Variants in CDH12 observed in about 807,000 individuals in gnomAD.
CDH12 encodes the protein cadherin 12, also known as cadherin-12.
A neutral mutation model predicts 74.1 loss-of-function variants in CDH12; 41 were observed. That is an observed-to-expected ratio of 0.55 (90% CI 0.43 to 0.72). CDH12 has a LOEUF of 0.72. CDH12 is among the 30% of genes least tolerant of loss of function. The pLI, the probability that CDH12 is intolerant of heterozygous loss-of-function variation, is 0.00. For missense variants in CDH12, 945 were observed against 977.2 expected (o/e 0.97, Z 0.44); for synonymous variants, 399 against 355.0 (o/e 1.12, Z -1.39).
chr5:22,306,114 T>C (rs1016520309), intron 3 of CDH12, among the ~76,000 whole-genome samples: 2 of 152,230 alleles, frequency 1.3e-5, no homozygotes, highest in East Asian at 1.9e-4. Context: ...CTCTTTCTTC[T>C]GATACAAATG....
At chr5:21,909,590 C>T (rs1402006854) in intron 6 of CDH12, among the ~76,000 whole-genome samples, 2 of 152,082 alleles carry the variant, frequency 1.3e-5, no homozygotes, top group Non-Finnish European at 1.5e-5. Flanking sequence ...TCACCTTCTA[C>T]ATAACAGTGA....
intron 6 of CDH12, among the ~76,000 whole-genome samples, chr5:21,927,399 C>T (rs565582546): frequency 6.7e-6 from 1 of 148,374 alleles, no homozygotes; most frequent in Non-Finnish European, 1.5e-5. Context: ...GCCTGGGCAA[C>T]ATGGTAAAAC....
chr5:22,702,467 C>T (rs1742763970), intron 1 of CDH12, among the ~76,000 whole-genome samples: 1 of 152,086 alleles, frequency 6.6e-6, no homozygotes, highest in Non-Finnish European at 1.5e-5. Context: ...TCTCTACACT[C>T]ATGCAATACA....
At chr5:22,129,701 C>A (rs899748741) in intron 4 of CDH12, among the ~76,000 whole-genome samples, 1 of 151,612 alleles carries the variant, frequency 6.6e-6, no homozygotes, top group Non-Finnish European at 1.5e-5. Context: ...TTTTTTCATT[C>A]GAAATAAATT....
intron 1 of CDH12, among the ~76,000 whole-genome samples, chr5:22,685,185 G>A (rs1413960823): frequency 1.3e-5 from 2 of 152,068 alleles, no homozygotes; most frequent in Non-Finnish European, 2.9e-5. Context: ...TCACTGTCAT[G>A]AAACCATTCC....
At chr5:22,462,345 T>C (rs1206657356) in intron 2 of CDH12, among the ~76,000 whole-genome samples, 1 of 152,258 alleles carries the variant, frequency 6.6e-6, no homozygotes, top group Admixed American at 6.5e-5. Flanking sequence ...TCAGAGCCTA[T>C]TGAATGTGCC....
rs531330812 is a variant in CDH12 at position 22,115,761 on chromosome 5, G to A, written c.-186-36899C>T. ...GGCTGGAATGCAGCGGTACAATCTCGGCTCACTGAAACCTCTGCCTCCCGG... is the reference window on the plus strand; with the variant it reads ...GGCTGGAATGCAGCGGTACAATCTCAGCTCACTGAAACCTCTGCCTCCCGG... On this transcript the variant is annotated intron_variant, in intron 4 of 14. Coordinates refer to ENST00000382254, the MANE Select transcript of CDH12 (RefSeq NM_004061.5). Among the ~76,000 whole-genome samples, 8 of 137,828 alleles carry A rather than the reference G, an allele frequency of 5.8e-5. No homozygotes were observed. In the South Asian group the frequency reaches 9.0e-4, roughly 16 times the overall value. 90.4% of individuals were successfully genotyped at this position (137,828 alleles called of 152,430 possible). A position where few individuals can be genotyped will look rare whatever the true frequency, so the allele number is the denominator to read the frequency against.
At chr5:21,766,147 C>A (rs1745012088) in intron 11 of CDH12, among the ~76,000 whole-genome samples, 1 of 151,976 alleles carries the variant, frequency 6.6e-6, no homozygotes, top group Non-Finnish European at 1.5e-5. Flanking sequence ...CATACAAAAT[C>A]ATTCCACACG....
In CDH12 at chr5:22,136,484, T is replaced by C. The variant is rs576803727; in HGVS notation, c.-186-57622A>G. ...AAAGACAAATCATGCCATCTCACAA[T>C]ATGTATACCCACCAAGAACCTTTTG... On this transcript the variant is annotated intron_variant, in intron 4 of 14. Transcript: ENST00000382254. 3.1e-3 allele frequency among the ~76,000 whole-genome samples: 468 copies of C among 152,028 alleles called. 5 individuals are homozygous for C. Among genetic ancestry groups the C allele is most frequent in the African/African-American group, 0.011 (436 of 41,504 alleles).
chr5:22,702,917 A>G (rs1189554279), intron 1 of CDH12, among the ~76,000 whole-genome samples: 2 of 152,092 alleles, frequency 1.3e-5, no homozygotes, highest in Non-Finnish European at 2.9e-5. Flanking sequence ...TAAGTAAATA[A>G]ACTAACTTTT....
At chr5:22,033,036 CA>C (rs11312264) in intron 5 of CDH12, among the ~76,000 whole-genome samples, 6,551 of 111,802 alleles carry the variant, frequency 0.059, 181 homozygotes, top group African/African-American at 0.1. Flanking sequence ...ATCTTGCTTC[CA>C]AAAAAAAAAA....
At chr5:22,252,466 T>C (rs1198374525) in intron 3 of CDH12, among the ~76,000 whole-genome samples, 1 of 152,132 alleles carries the variant, frequency 6.6e-6, no homozygotes, top group Non-Finnish European at 1.5e-5. Context: ...TCTGTTCAGA[T>C]TTTTTGTTCT....
chr5:22,136,560 C>T (rs1171213005), intron 4 of CDH12, among the ~76,000 whole-genome samples: 3 of 151,030 alleles, frequency 2.0e-5, no homozygotes, highest in East Asian at 3.9e-4. Flanking sequence ...AACTTGTATG[C>T]CTAATTGCAC....
chr5:22,108,034 A>T (rs1269426454), intron 4 of CDH12, among the ~76,000 whole-genome samples: 1 of 152,204 alleles, frequency 6.6e-6, no homozygotes, highest in East Asian at 1.9e-4. Context: ...TAATTTTTGC[A>T]ATTAAGAATA....
chr5:22,740,499 C>A (rs755142015), intron 1 of CDH12, among the ~76,000 whole-genome samples: 3 of 151,590 alleles, frequency 2.0e-5, no homozygotes, highest in African/African-American at 7.3e-5. Flanking sequence ...ACTATATCTA[C>A]GGTAATGATT....
chr5:22,067,738 T>A (rs1741667790), intron 5 of CDH12, among the ~76,000 whole-genome samples: 1 of 152,142 alleles, frequency 6.6e-6, no homozygotes, highest in East Asian at 1.9e-4. Flanking sequence ...CTTCATAAGA[T>A]ATGAAGTATC....
intron 6 of CDH12, among the ~76,000 whole-genome samples, chr5:21,973,785 C>G (rs1242131921): frequency 3.3e-5 from 5 of 152,162 alleles, no homozygotes; most frequent in Admixed American, 1.3e-4. Flanking sequence ...AAAATCAAGA[C>G]ACCGTTAAAA....
intron 2 of CDH12, among the ~76,000 whole-genome samples, chr5:22,479,732 A>C (rs2126621256): frequency 6.6e-6 from 1 of 152,358 alleles, no homozygotes; most frequent in Non-Finnish European, 1.5e-5. Flanking sequence ...TAAAAGTTAT[A>C]ATAGTTCATT....
intron 3 of CDH12, among the ~76,000 whole-genome samples, chr5:22,309,051 A>G (rs1018031864): frequency 3.3e-5 from 5 of 152,124 alleles, no homozygotes; most frequent in Non-Finnish European, 7.3e-5. Context: ...AACAAGACAG[A>G]ACCATACAAA....
Sources: gnomAD v4.1 joint callset for allele counts (sites outside exome capture counted in the v4.1 genomes callset) on GRCh38, gnomAD v4.1.1 for gene constraint, MANE v1.5 for transcripts, NCBI Gene and HGNC (gene_info 2026-07-23, HGNC 2026-07-21) for gene names.